GALNT2: variants seen among roughly 807,000 people sequenced by gnomAD.
GALNT2 encodes the protein UDP-GalNAc:polypeptide N-acetylgalactosaminyltransferase 2.
A neutral mutation model predicts 81.4 loss-of-function variants in GALNT2; 31 were observed. The observed-to-expected ratio is 0.38, with a 90% confidence interval of 0.29 to 0.51. GALNT2 has a LOEUF of 0.51. Ranked by LOEUF, GALNT2 falls within the 20% of genes least tolerant of loss-of-function variation. The probability of loss-of-function intolerance (pLI) is 0.87; values close to 1 mark genes in which losing one functional copy is unlikely to be tolerated. For missense variants in GALNT2, 629 were observed against 765.7 expected (o/e 0.82, Z 2.11); for synonymous variants, 303 against 287.4 (o/e 1.05, Z -0.55).
At chr1:230,231,291 C>T (rs1007190709) in intron 3 of GALNT2, among the ~76,000 whole-genome samples, 1 of 152,204 alleles carries the variant, frequency 6.6e-6, no homozygotes, top group South Asian at 2.1e-4. Context: ...AATAATCAGG[C>T]AAGATCGTCA....
At chr1:230,266,553 C>T (rs1423830065) in intron 14 of GALNT2, among the ~76,000 whole-genome samples, 5 of 152,214 alleles carry the variant, frequency 3.3e-5, no homozygotes, top group African/African-American at 7.2e-5. Flanking sequence ...GGTCCTCCTC[C>T]CAAGTGAGTG....
intron 9 of GALNT2, among the ~76,000 whole-genome samples, chr1:230,249,818 G>C (rs1368523535): frequency 6.6e-6 from 1 of 152,246 alleles, no homozygotes; most frequent in Non-Finnish European, 1.5e-5. Context: ...AGAGTACTTA[G>C]CGCTGAAATA....
At chr1:230,189,281 C>G (rs642235) in intron 2 of GALNT2, among the ~76,000 whole-genome samples, 36,618 of 151,952 alleles carry the variant, frequency 0.24, 5,663 homozygotes, top group African/African-American at 0.44. Flanking sequence ...TCTCCTTGAG[C>G]CCCCTCCCCA....
At chr1:230,265,206 G>A (rs754019658) in intron 13 of GALNT2, 35 bp from the exon 14 acceptor site, 2 of 1,613,734 alleles carry the variant, frequency 1.2e-6, no homozygotes, top group East Asian at 4.5e-5. Flanking sequence ...GTGGTCATGT[G>A]CAGTGAAGCA....
At chr1:230,197,249 T>A (rs1383202271) in intron 2 of GALNT2, among the ~76,000 whole-genome samples, 1 of 150,712 alleles carries the variant, frequency 6.6e-6, no homozygotes, top group Non-Finnish European at 1.5e-5. Flanking sequence ...GTAGGTGAAA[T>A]CATCCACTGG....
chr1:230,127,525 G>A (rs1350411898), intron 1 of GALNT2, among the ~76,000 whole-genome samples: 3 of 152,058 alleles, frequency 2.0e-5, no homozygotes, highest in South Asian at 2.1e-4. Flanking sequence ...ACAGGCATGC[G>A]GCACCATGCG....
At chr1:230,158,698 G>A (rs1455078020) in intron 1 of GALNT2, among the ~76,000 whole-genome samples, 8 of 152,212 alleles carry the variant, frequency 5.3e-5, no homozygotes, top group Admixed American at 2.0e-4. Context: ...AACCAAGTCA[G>A]GCTTGCAAAT....
At chr1:230,225,391 A>G (rs78793539) in intron 3 of GALNT2, among the ~76,000 whole-genome samples, 15,903 of 152,176 alleles carry the variant, frequency 0.1, 899 homozygotes, top group Middle Eastern at 0.16. Flanking sequence ...TGAGAGATGC[A>G]TCCGCAGCCC....
chr1:230,154,342 C>T (rs1053811229), intron 1 of GALNT2, among the ~76,000 whole-genome samples: 6 of 152,144 alleles, frequency 3.9e-5, no homozygotes, highest in East Asian at 1.9e-4. Flanking sequence ...TGGCTTTCCC[C>T]GAGTTGGTAC....
chr1:230,058,674 A>G (rs1413082401), intron 1 of GALNT2, among the ~76,000 whole-genome samples: 2 of 152,244 alleles, frequency 1.3e-5, no homozygotes. Context: ...ATTAATGTTT[A>G]TATGTTCAGG....
chr1:230,279,515 A>G lies in GALNT2; in HGVS notation c.*57A>G. The G allele has an allele frequency of 2.6e-6, 4 of 1,567,986 alleles. No homozygotes were observed. The highest frequency in any genetic ancestry group is 1.2e-5 in the South Asian group (1 of 86,690). The stretch of plus-strand genomic sequence containing the variant: ...CTGCACCATTGGGTGGAGTCTGGTG[A>G]TCACATTATTGATTATGTTTCTTAA... On this transcript the variant is annotated 3_prime_UTR_variant, in exon 16 of 16. Transcript: ENST00000366672. The surrounding 1 kb of genome is among the most constrained non-coding windows in gnomAD (Gnocchi z 4.6).
In GALNT2 at chr1:230,279,187, A is replaced by T. The variant is rs1572169602; in HGVS notation, c.1561-116A>T. ...TCGGCCGTTCAGATGAGAGGCTGGGAAAAACGTGTCTATCTGTGAGTTTTT... is the reference window on the plus strand; with the variant it reads ...TCGGCCGTTCAGATGAGAGGCTGGGTAAAACGTGTCTATCTGTGAGTTTTT... On this transcript the variant is annotated intron_variant, in intron 15 of 15. Coordinates refer to ENST00000366672, the MANE Select transcript of GALNT2 (RefSeq NM_004481.5). The surrounding 1 kb of genome is among the most constrained non-coding windows in gnomAD (Gnocchi z 4.6). 1.3e-5 allele frequency: 15 copies of T among 1,151,368 alleles called. No homozygotes were observed. In the South Asian group the frequency reaches 2.3e-4, roughly 18 times the overall value. 71.3% of individuals were successfully genotyped at this position (1,151,368 alleles called of 1,614,324 possible).
At chr1:230,076,765 C>T (rs1338126278) in intron 1 of GALNT2, among the ~76,000 whole-genome samples, 1 of 152,054 alleles carries the variant, frequency 6.6e-6, no homozygotes, top group East Asian at 1.9e-4. Flanking sequence ...TCCCATAAAA[C>T]CATTGGGATG....
chr1:230,165,761 C>G (rs1662581787), intron 1 of GALNT2, among the ~76,000 whole-genome samples: 2 of 152,254 alleles, frequency 1.3e-5, no homozygotes, highest in African/African-American at 4.8e-5. Context: ...ACTGGTCAAC[C>G]TGTCCCAGGG....
intron 3 of GALNT2, among the ~76,000 whole-genome samples, chr1:230,221,240 T>C (rs1664538279): frequency 1.3e-5 from 2 of 152,228 alleles, no homozygotes; most frequent in South Asian, 2.1e-4. Context: ...CTTTCCCTTA[T>C]AAAAGCTGTA....
chr1:230,156,639 C>T (rs558142304), intron 1 of GALNT2, among the ~76,000 whole-genome samples: 1 of 152,242 alleles, frequency 6.6e-6, no homozygotes, highest in Non-Finnish European at 1.5e-5. Flanking sequence ...GTTAAATTTG[C>T]TTAACTTTCT....
chr1:230,240,507 G>A (rs772179012), intron 6 of GALNT2, among the ~76,000 whole-genome samples: 9 of 152,200 alleles, frequency 5.9e-5, no homozygotes, highest in East Asian at 1.9e-4. Context: ...CAGAAGACTC[G>A]CTTGAACATG....
rs886129428 is a variant in GALNT2 at position 230,280,768 on chromosome 1, T to C, written c.*1310T>C. The C allele has an allele frequency of 1.3e-5, 2 of 152,378 alleles. No homozygotes were observed. Among genetic ancestry groups the C allele is most frequent in the African/African-American group, 4.8e-5 (2 of 41,438 alleles). The allele number at this position is 152,378 out of a possible 1,614,324, so 9.4% of individuals were successfully genotyped here. A position where few individuals can be genotyped will look rare whatever the true frequency, so the allele number is the denominator to read the frequency against. ...GCTTCAGGGGGCTTTGGGGAAAGAA[T>C]TAGGAAGGGTCAGAACCAAACAATA... On this transcript the variant is annotated 3_prime_UTR_variant, in exon 16 of 16. Coordinates refer to ENST00000366672, the MANE Select transcript of GALNT2 (RefSeq NM_004481.5).
At chr1:230,265,501 G>C in intron 14 of GALNT2, 134 bp downstream of exon 14, 1 of 1,212,606 alleles carries the variant, frequency 8.2e-7, no homozygotes, top group Non-Finnish European at 1.2e-6. Context: ...CCTGGCTCCT[G>C]CTGGCCACAG....
Sources: allele counts gnomAD v4.1 joint callset (sites outside exome capture counted in the v4.1 genomes callset), GRCh38; gene constraint gnomAD v4.1.1; non-coding constraint Gnocchi (gnomAD v3.1); transcripts MANE v1.5; gene names NCBI Gene and HGNC (gene_info 2026-07-23, HGNC 2026-07-21).